Variants in RRP1B observed in about 807,000 individuals in gnomAD.
RRP1B encodes ribosomal RNA processing protein 1 homolog B.
A neutral mutation model predicts 80.2 loss-of-function variants in RRP1B; 56 were observed. The observed-to-expected ratio is 0.70, with a 90% CI of 0.56 to 0.87. The LOEUF (loss-of-function observed/expected upper bound fraction) is 0.87, where lower values mean the gene tolerates loss of function less well. RRP1B is among the 40% of genes least tolerant of loss of function. The pLI is 0.00. For missense variants in RRP1B, 807 were observed against 939.8 expected (o/e 0.86, Z 1.85); for synonymous variants, 351 against 357.6 (o/e 0.98, Z 0.21).
intron 1 of RRP1B, among the ~76,000 whole-genome samples, chr21:43,662,339 G>A (rs2082960989): frequency 6.6e-6 from 1 of 152,242 alleles, no homozygotes; most frequent in African/African-American, 2.4e-5. Context: ...CACATTGCAT[G>A]GAGTACAGTG....
At chr21:43,674,363 G>A (rs2083012530) in intron 4 of RRP1B, among the ~76,000 whole-genome samples, 1 of 152,102 alleles carries the variant, frequency 6.6e-6, no homozygotes, top group South Asian at 2.1e-4. Context: ...TGCCATGTTG[G>A]CCAGGGTGGT....
In RRP1B at chr21:43,686,995, T is replaced by C. The variant is rs917157205; in HGVS notation, c.1141+60T>C. The C allele has an allele frequency of 3.1e-5, 49 of 1,575,374 alleles. No individual in the cohort carries two copies. The Middle Eastern group carries it at 5.1e-4, about 16-fold the overall frequency. On this transcript the variant is annotated intron_variant, in intron 12 of 15. Coordinates refer to ENST00000340648, the MANE Select transcript of RRP1B (RefSeq NM_015056.3). ...AGCCCTTGGGGAGCGGCATGCACCA[T>C]GGAGGCCTCGGAGACTTGAGCTCGT...
At chr21:43,692,011 T>C (rs2083088808) in intron 15 of RRP1B, among the ~76,000 whole-genome samples, 1 of 152,050 alleles carries the variant, frequency 6.6e-6, no homozygotes, top group Admixed American at 6.6e-5. Context: ...CTCAAAGGGC[T>C]GTGAGTGGGG....
In RRP1B at chr21:43,673,909, G is replaced by A. The variant is rs763223099; in HGVS notation, c.311G>A (p.Arg104Gln). ...CAGACCTTTTGGCAAACCATGAATC[G>A]AGAATGGAAAGGAATAGACAGGCTA... Reference protein sequence around the residue: ...FIQTFWQTMNREWKGIDRLRL... With the variant: ...FIQTFWQTMNQEWKGIDRLRL... The change falls in exon 4 of 16, where the codon CGA (arginine) becomes CAA (glutamine). Residue 104 changes from arginine (R) to glutamine (Q), a missense_variant. Arg to Gln is a conservative substitution (Grantham distance 43). Transcript: ENST00000340648. The A allele has an allele frequency of 1.7e-5, 28 of 1,613,508 alleles. No homozygotes were observed. The Admixed American group carries it at 2.5e-4, about 14-fold the overall frequency.
At chr21:43,683,972 CAAAA>C in intron 9 of RRP1B, among the ~76,000 whole-genome samples, 1 of 88,978 alleles carries the variant, frequency 1.1e-5, no homozygotes, top group Non-Finnish European at 2.1e-5. Flanking sequence ...GACTCTGGCT[CAAAA>C]AAAAAAAAAA....
In RRP1B at chr21:43,691,639, T is replaced by A. The variant is rs1055792734; in HGVS notation, c.2083+137T>A. On this transcript the variant is annotated intron_variant, in intron 15 of 15. Coordinates refer to ENST00000340648, the MANE Select transcript of RRP1B (RefSeq NM_015056.3). This position sits in a 1 kb window ranked among gnomAD's most constrained non-coding sequence, Gnocchi z 4.2. The stretch of plus-strand genomic sequence containing the variant: ...TCACTGCCCATTTCTTTATTTTTAT[T>A]TTTTTTTTTTTTTTGAGACAGAGTC... The A allele has an allele frequency of 0.22, 47,210 of 218,266 alleles. 187 individuals carry two copies. Among genetic ancestry groups the A allele is most frequent in the South Asian group, 0.33 (5,424 of 16,604 alleles). 13.5% of individuals were successfully genotyped at this position (218,266 alleles called of 1,614,324 possible). A position where few individuals can be genotyped will look rare whatever the true frequency, so the allele number is the denominator to read the frequency against.
intron 11 of RRP1B, 155 bp from the exon 12 acceptor site, chr21:43,686,649 G>A (rs79791680): frequency 3.7e-6 from 3 of 811,708 alleles, no homozygotes; most frequent in South Asian, 3.8e-5. Context: ...TTTTAAGTCT[G>A]TAATTCCTGT....
chr21:43,661,682 A>G (rs2082958249), intron 1 of RRP1B, among the ~76,000 whole-genome samples: 1 of 152,108 alleles, frequency 6.6e-6, no homozygotes, highest in African/African-American at 2.4e-5. Context: ...TCTTCCTAAA[A>G]CAAATCTGAT....
intron 8 of RRP1B, among the ~76,000 whole-genome samples, chr21:43,679,742 A>G (rs1041707178): frequency 6.6e-6 from 1 of 152,148 alleles, no homozygotes; most frequent in Non-Finnish European, 1.5e-5. Flanking sequence ...CGTTTTCACA[A>G]TATTGATTCT....
chr21:43,682,591 C>T (rs1241457250), intron 8 of RRP1B, among the ~76,000 whole-genome samples: 3 of 152,204 alleles, frequency 2.0e-5, no homozygotes, highest in South Asian at 2.1e-4. Context: ...CGGATTCCTG[C>T]GTCCATGCTC....
At chr21:43,679,572 C>A (rs1224688384) in intron 8 of RRP1B, among the ~76,000 whole-genome samples, 1 of 152,172 alleles carries the variant, frequency 6.6e-6, no homozygotes, top group Non-Finnish European at 1.5e-5. Context: ...TACTCCCAGC[C>A]TCTAGATTTA....
rs768277199 is a variant in RRP1B, at chr21:43,676,833, G to A, written c.715G>A (p.Val239Met). 2 of 1,614,266 alleles carry A rather than the reference G, an allele frequency of 1.2e-6. No individual in the cohort carries two copies. Among genetic ancestry groups the A allele is most frequent in the Non-Finnish European group, 1.7e-6 (2 of 1,180,052 alleles). ...GACGATGGAGGAACAGAAGACAAAA[G>A]TGGGTGATGGTGACCTCTCTGCTGA... Reference protein sequence around the residue: ...EETMEEQKTKVGDGDLSAEEI... With the variant: ...EETMEEQKTKMGDGDLSAEEI... Residue 239 changes from valine (V) to methionine (M), a missense_variant, in exon 8 of 16, where the codon GTG becomes ATG. By Grantham distance (21) the Val-to-Met change is conservative. Coordinates refer to ENST00000340648, the MANE Select transcript of RRP1B (RefSeq NM_015056.3).
Position 43,694,835 on chromosome 21 carries a change from T to C in RRP1B, c.*1452T>C, listed in dbSNP as rs1252616779. On this transcript the variant is annotated 3_prime_UTR_variant, in exon 16 of 16. Transcript: ENST00000340648. ...GGCCCCTGGGGTTGCAGAGCTTGCA[T>C]TGGGTTTACCTCGGTCTCATTCATT... The C allele has an allele frequency of 6.6e-6, 1 of 152,142 alleles. No homozygotes were observed. The highest frequency in any genetic ancestry group is 1.5e-5 in the Non-Finnish European group (1 of 68,030). The allele number at this position is 152,142 out of a possible 1,614,324, so 9.4% of individuals were successfully genotyped here. A position where few individuals can be genotyped will look rare whatever the true frequency, so the allele number is the denominator to read the frequency against.
At chr21:43,681,052 C>T (rs2083041267) in intron 8 of RRP1B, among the ~76,000 whole-genome samples, 1 of 152,202 alleles carries the variant, frequency 6.6e-6, no homozygotes, top group East Asian at 1.9e-4. Context: ...CCAGCCTGGC[C>T]AACATGGTGA....
chr21:43,663,751 G>A (rs566833360), intron 1 of RRP1B, among the ~76,000 whole-genome samples: 208 of 151,594 alleles, frequency 1.4e-3, no homozygotes, highest in South Asian at 7.5e-3. Context: ...GTAGAGACAG[G>A]GTTTCACTCT....
rs543020748 is a variant in RRP1B at position 43,691,781 on chromosome 21, G to T, written c.2083+279G>T. Among the ~76,000 whole-genome samples, 3 of 152,122 alleles carry T rather than the reference G, an allele frequency of 2.0e-5. No individual in the cohort carries two copies. The East Asian group carries it at 5.8e-4, about 29-fold the overall frequency. The stretch of plus-strand genomic sequence containing the variant: ...CAGGCTGCCGGGTAGCGGGTAGCTG[G>T]GATCACAGGTGCACGCCATCACATC... On this transcript the variant is annotated intron_variant, in intron 15 of 15. Transcript: ENST00000340648. The surrounding 1 kb of genome is among the most constrained non-coding windows in gnomAD (Gnocchi z 4.2).
At chr21:43,679,822 A>G (rs1278779577) in intron 8 of RRP1B, among the ~76,000 whole-genome samples, 5 of 152,134 alleles carry the variant, frequency 3.3e-5, no homozygotes. Flanking sequence ...TTCTTTCAGC[A>G]GTGTTTTGTA....
chr21:43,673,938 C>G lies in RRP1B; in HGVS notation c.340C>G (p.Leu114Val), dbSNP rs750840526. The change falls in exon 4 of 16, where the codon CTG (leucine) becomes GTG (valine). Residue 114 changes from leucine (L) to valine (V), a missense_variant. Physicochemically the swap from Leu to Val is conservative, Grantham distance 32. Transcript: ENST00000340648. ...ATGGAAAGGAATAGACAGGCTACGC[C>G]TGGACAAATACTATATGGTAAGATC... ...REWKGIDRLRLDKYYMLIRLV... is the reference protein window; with the variant it reads ...REWKGIDRLRVDKYYMLIRLV... 1.9e-5 allele frequency: 31 copies of G among 1,612,390 alleles called. No homozygotes were observed. Among genetic ancestry groups the G allele is most frequent in the Non-Finnish European group, 2.6e-5 (31 of 1,178,952 alleles).
intron 1 of RRP1B, among the ~76,000 whole-genome samples, chr21:43,660,678 C>T (rs1423177588): frequency 6.6e-6 from 1 of 152,178 alleles, no homozygotes; most frequent in Non-Finnish European, 1.5e-5. Flanking sequence ...ATAATCAGCT[C>T]AGATCTGAAG....
Sources: allele counts gnomAD v4.1 joint callset (sites outside exome capture counted in the v4.1 genomes callset), GRCh38; gene constraint gnomAD v4.1.1; non-coding constraint Gnocchi (gnomAD v3.1); transcripts MANE v1.5; gene names NCBI Gene and HGNC (gene_info 2026-07-23, HGNC 2026-07-21).